Variants in PCID2 observed in about 807,000 individuals in gnomAD.
The protein encoded by PCID2 is PCI domain-containing protein 2.
In PCID2, 41 loss-of-function variants were observed where a neutral mutation model predicts 61.3. That is an observed-to-expected ratio of 0.67 (90% confidence interval 0.52 to 0.87). PCID2 has a LOEUF of 0.87. Ranked by LOEUF, PCID2 falls within the 40% of genes least tolerant of loss-of-function variation. PCID2 has a pLI of 0.00. For synonymous variants in PCID2, 187 were observed against 177.8 expected, an observed-to-expected ratio of 1.05 and a Z score of -0.41; for missense variants, 392 against 493.4, an observed-to-expected ratio of 0.79 and a Z score of 1.95.
rs1450430262 is a variant in PCID2 at position 113,180,154 on chromosome 13, C to T, written c.860+4G>A. 6 of 1,613,872 alleles carry T rather than the reference C, an allele frequency of 3.7e-6. No individual in the cohort carries two copies. The highest frequency in any genetic ancestry group is 5.1e-6 in the Non-Finnish European group (6 of 1,179,798). Reference sequence around the variant, plus strand: ...CCCCAAACAGGAAGGATGGCATACTCTACCTCACAGCTCTGGTTACTTCCG... The same window carrying T: ...CCCCAAACAGGAAGGATGGCATACTTTACCTCACAGCTCTGGTTACTTCCG... On this transcript the variant is annotated splice_donor_region_variant and intron_variant, in intron 11 of 13. Coordinates refer to ENST00000337344, the MANE Select transcript of PCID2 (RefSeq NM_001127202.4).
intron 9 of PCID2, chr13:113,183,995 T>G (rs2037876842): frequency 2.0e-6 from 2 of 985,218 alleles, no homozygotes; most frequent in African/African-American, 3.5e-5. Flanking sequence ...AATGTTGTCC[T>G]AATCTCCATT....
At chr13:113,171,680 A>G in the PCID2 span, 6 of 1,613,952 alleles carry the variant, frequency 3.7e-6, no homozygotes, top group East Asian at 1.3e-4. The surrounding 1 kb of genome is among the most constrained non-coding windows in gnomAD (Gnocchi z 5.1). Context: ...CGCGGGGGAG[A>G]ATGACCTGTC....
Position 113,208,668 on chromosome 13 carries a change from A to T in PCID2, c.-34T>A. On this transcript the variant is annotated 5_prime_UTR_variant, in exon 1 of 14. Transcript: ENST00000337344. ...CGCCGAACGGAGAGCGCCACCCCCT[A>T]CGCCTCAAGCGGGCCAGCTGGCGTC... 1.3e-6 allele frequency: 2 copies of T among 1,594,882 alleles called. No homozygotes were observed. Among genetic ancestry groups the T allele is most frequent in the Non-Finnish European group, 1.7e-6 (2 of 1,171,840 alleles).
chr13:113,199,412 A>G (rs1267136902), intron 2 of PCID2, among the ~76,000 whole-genome samples: 4 of 152,234 alleles, frequency 2.6e-5, no homozygotes, highest in Admixed American at 2.0e-4. Context: ...AATGGATTAT[A>G]AGCACACTGC....
rs993508351 is a variant in PCID2 at position 113,177,918 on chromosome 13, A to C, written c.*280T>G. ...CACACTTAGGAAAAGTGAGCCGAGC[A>C]GCCTTCACGCAAAGCCTCCTTCAAA... On this transcript the variant is annotated 3_prime_UTR_variant, in exon 14 of 14. Coordinates refer to ENST00000337344, the MANE Select transcript of PCID2 (RefSeq NM_001127202.4). The C allele has an allele frequency of 3.8e-6, 1 of 263,292 alleles. No individual in the cohort carries two copies. The highest frequency in any genetic ancestry group is 2.2e-5 in the African/African-American group (1 of 45,346). The allele number at this position is 263,292 out of a possible 1,614,324, so 16.3% of individuals were successfully genotyped here. A position where few individuals can be genotyped will look rare whatever the true frequency, so the allele number is the denominator to read the frequency against.
the PCID2 span, among the ~76,000 whole-genome samples, chr13:113,167,628 ATCT>A: frequency 1.3e-5 from 2 of 152,156 alleles, no homozygotes; most frequent in South Asian, 4.1e-4. Flanking sequence ...TCTTTTTCCA[ATCT>A]TCTACTTTTA....
chr13:113,185,538 T>C lies in PCID2; in HGVS notation c.490A>G (p.Lys164Glu), dbSNP rs1566950995. ...ACCAGAAACAGCATGCCCCACTTCTTAGAGTCCTCTATACCAGCACGGCTA... is the reference window on the plus strand; with the variant it reads ...ACCAGAAACAGCATGCCCCACTTCTCAGAGTCCTCTATACCAGCACGGCTA... ...SDTRAGIEDS[K>E]KWGMLFLVNQ... The change falls in exon 8 of 14, where the codon AAG (lysine) becomes GAG (glutamate). Residue 164 changes from lysine to glutamate, a missense_variant. Lys to Glu is a moderately conservative substitution (Grantham distance 56). Transcript: ENST00000337344. 5 of 1,611,758 alleles carry C rather than the reference T, an allele frequency of 3.1e-6. No individual in the cohort carries two copies. The highest frequency in any genetic ancestry group is 4.2e-6 in the Non-Finnish European group (5 of 1,177,818).
intron 6 of PCID2, among the ~76,000 whole-genome samples, chr13:113,193,391 T>C (rs900760791): frequency 3.3e-5 from 5 of 152,318 alleles, no homozygotes; most frequent in African/African-American, 4.8e-5. Flanking sequence ...CTTTGTGATG[T>C]AGCCTTTCAC....
In PCID2 at chr13:113,180,206, A is replaced by T. The variant is rs2037508183; in HGVS notation, c.812T>A (p.Leu271Gln). ...LLGHMPTVEL[L>Q]KKYHLMQFAE... ...AAACTGCATCAGGTGATACTTTTTC[A>T]GGAGCTCCACAGTGGGCATGTGACC... The change falls in exon 11 of 14, where the codon CTG becomes CAG. Residue 271 changes from leucine to glutamine, a missense_variant. This residue lies in a region of PCID2 where 226 missense variants were observed against 296.5 expected (regional missense o/e 0.76). Coordinates refer to ENST00000337344, the MANE Select transcript of PCID2 (RefSeq NM_001127202.4). 6.2e-7 allele frequency: 1 copy of T among 1,613,728 alleles called. No individual in the cohort carries two copies. The highest frequency in any genetic ancestry group is 1.7e-5 in the Admixed American group (1 of 60,002).
rs1226809735 is a variant in PCID2, at chr13:113,179,093, G to T, written c.987-4C>A. On this transcript the variant is annotated splice_region_variant and splice_polypyrimidine_tract_variant and intron_variant, in intron 12 of 13. Coordinates refer to ENST00000337344, the MANE Select transcript of PCID2 (RefSeq NM_001127202.4). This position sits in a 1 kb window ranked among gnomAD's most constrained non-coding sequence, Gnocchi z 4.3. Reference sequence around the variant, plus strand: ...GTGTGTTTTCAGTAACAAATACCTGGAAGAGGGGAGGAGAAGGGCACTGTG... The same window carrying T: ...GTGTGTTTTCAGTAACAAATACCTGTAAGAGGGGAGGAGAAGGGCACTGTG... 2 of 1,612,922 alleles carry T rather than the reference G, an allele frequency of 1.2e-6. No individual in the cohort carries two copies. The highest frequency in any genetic ancestry group is 3.3e-5 in the Admixed American group (2 of 59,844).
intron 7 of PCID2, among the ~76,000 whole-genome samples, chr13:113,190,339 G>A (rs1311151006): frequency 2.0e-5 from 3 of 151,782 alleles, no homozygotes; most frequent in East Asian, 3.9e-4. Context: ...TACAGGGAAC[G>A]ATGGCAAGGA....
rs1283048260 is a variant in PCID2 at position 113,184,019 on chromosome 13, T to C, written c.685+327A>G. 1.4e-5 allele frequency: 14 copies of C among 984,950 alleles called. No homozygotes were observed. The Admixed American group carries it at 8.6e-4, about 61-fold the overall frequency. 61.0% of individuals were successfully genotyped at this position (984,950 alleles called of 1,614,324 possible). A position where few individuals can be genotyped will look rare whatever the true frequency, so the allele number is the denominator to read the frequency against. ...CTAATCTCCATTTCCTATGTCAACA[T>C]AACCAGCATCTATTACAGGGTCAAA... is the stretch of plus-strand genomic sequence containing the variant. On this transcript the variant is annotated intron_variant, in intron 9 of 13. Transcript: ENST00000337344.
chr13:113,169,989 A>G, the PCID2 span, among the ~76,000 whole-genome samples: 1 of 152,172 alleles, frequency 6.6e-6, no homozygotes, highest in Non-Finnish European at 1.5e-5. Context: ...TCTTCAATTT[A>G]GGGAGTCAGC....
chr13:113,184,517 T>C lies in PCID2; in HGVS notation c.544-30A>G, dbSNP rs114485116. 3.7e-3 allele frequency: 5,295 copies of C among 1,413,592 alleles called. 133 individuals are homozygous for C. The African/African-American group carries it at 0.059, about 16-fold the overall frequency. 87.6% of individuals were successfully genotyped at this position (1,413,592 alleles called of 1,614,324 possible). A position where few individuals can be genotyped will look rare whatever the true frequency, so the allele number is the denominator to read the frequency against. ...AATGAATAACAATCCATTTAAAATA[T>C]TTAAAAACAACAAAAACAGGTGGCA... On this transcript the variant is annotated intron_variant, in intron 8 of 13. Coordinates refer to ENST00000337344, the MANE Select transcript of PCID2 (RefSeq NM_001127202.4).
the PCID2 span, chr13:113,171,934 C>G: frequency 6.2e-7 from 1 of 1,613,742 alleles, no homozygotes; most frequent in Non-Finnish European, 8.5e-7. The surrounding 1 kb of genome is among the most constrained non-coding windows in gnomAD (Gnocchi z 5.1). Flanking sequence ...GTGAGAGAAG[C>G]AGCGTGGCGG....
intron 5 of PCID2, 131 bp downstream of exon 5, chr13:113,196,050 A>G (rs2038988958): frequency 1.5e-6 from 1 of 665,424 alleles, no homozygotes; most frequent in Non-Finnish European, 2.8e-6. Context: ...AGATATTACC[A>G]TATGTCAACA....
chr13:113,173,179 G>C (rs2037144081), downstream of PCID2, among the ~76,000 whole-genome samples: 1 of 152,156 alleles, frequency 6.6e-6, no homozygotes, highest in Non-Finnish European at 1.5e-5. Context: ...TTATCACCCA[G>C]TCCATGGTAT....
At chr13:113,200,041 A>C (rs1277170508) in intron 2 of PCID2, among the ~76,000 whole-genome samples, 1 of 152,252 alleles carries the variant, frequency 6.6e-6, no homozygotes, top group Non-Finnish European at 1.5e-5. Flanking sequence ...GTACAACCCC[A>C]GGCTGGGCCT....
At chr13:113,176,283 T>C (rs946464533), downstream of PCID2, among the ~76,000 whole-genome samples, 14 of 152,274 alleles carry the variant, frequency 9.2e-5, no homozygotes, top group Non-Finnish European at 1.6e-4. Context: ...AAATTTTTTA[T>C]AAACGGGGAA....
Sources: allele counts gnomAD v4.1 joint callset (sites outside exome capture counted in the v4.1 genomes callset), GRCh38; gene constraint gnomAD v4.1.1; regional missense constraint gnomAD v4.1.1; non-coding constraint Gnocchi (gnomAD v3.1); transcripts MANE v1.5; gene names NCBI Gene and HGNC (gene_info 2026-07-23, HGNC 2026-07-21).